DENND1B: variants seen among roughly 807,000 people sequenced by gnomAD.
DENND1B encodes DENN domain containing 1B.
DENND1B carries 59 observed loss-of-function variants against 90.1 expected under a neutral mutation model. The ratio of observed to expected loss-of-function variants is 0.65; its 90% confidence interval spans 0.53 to 0.81. DENND1B has a LOEUF of 0.81. DENND1B is among the 40% of genes least tolerant of loss of function. The probability of loss-of-function intolerance (pLI) is 0.00; values close to 1 mark genes in which losing one functional copy is unlikely to be tolerated. For missense variants in DENND1B, 862 were observed against 912.6 expected (o/e 0.94, Z 0.71); for synonymous variants, 337 against 324.6 (o/e 1.04, Z -0.41).
chr1:197,649,026 C>CA (rs555262125), intron 7 of DENND1B, among the ~76,000 whole-genome samples: 2 of 152,164 alleles, frequency 1.3e-5, no homozygotes, highest in East Asian at 3.9e-4. Flanking sequence ...GAGAGGGTCA[C>CA]AGGAAAGAAA....
intron 3 of DENND1B, among the ~76,000 whole-genome samples, chr1:197,683,037 G>C (rs562856864): frequency 6.6e-6 from 1 of 152,070 alleles, no homozygotes; most frequent in African/African-American, 2.4e-5. Flanking sequence ...TTTGTCTGGG[G>C]TAGGGGGAGG....
intron 2 of DENND1B, among the ~76,000 whole-genome samples, chr1:197,733,158 T>C (rs1662307574): frequency 6.6e-6 from 1 of 152,156 alleles, no homozygotes; most frequent in Non-Finnish European, 1.5e-5. Flanking sequence ...ATAATGGAGC[T>C]TTTTAGGAAA....
chr1:197,751,998 T>C (rs1016485141), intron 2 of DENND1B, among the ~76,000 whole-genome samples: 1 of 99,386 alleles, frequency 1.0e-5, no homozygotes, highest in Admixed American at 1.0e-4. Flanking sequence ...GAAGAAGAAG[T>C]AGAAGGAGGA....
intron 7 of DENND1B, among the ~76,000 whole-genome samples, chr1:197,649,746 G>C (rs1429045032): frequency 1.3e-5 from 2 of 152,148 alleles, no homozygotes; most frequent in Non-Finnish European, 2.9e-5. Flanking sequence ...TTAAATCTAA[G>C]ATCTGAAACT....
At chr1:197,655,628 T>C (rs954579266) in intron 6 of DENND1B, among the ~76,000 whole-genome samples, 14 of 150,832 alleles carry the variant, frequency 9.3e-5, no homozygotes, top group Middle Eastern at 3.5e-3. Context: ...GCCTCCCGGG[T>C]TCATGCCATT....
At chr1:197,727,653 C>T (rs562753101) in intron 2 of DENND1B, among the ~76,000 whole-genome samples, 1 of 152,142 alleles carries the variant, frequency 6.6e-6, no homozygotes, top group South Asian at 2.1e-4. Context: ...GCCAATTGGA[C>T]TGGATTCTAC....
intron 2 of DENND1B, among the ~76,000 whole-genome samples, chr1:197,720,965 A>G (rs137900886): frequency 0.01 from 1,554 of 152,228 alleles, 29 homozygotes; most frequent in African/African-American, 0.035. Context: ...ATCTTCTTAA[A>G]GGTCTAATTC....
rs1366970477 is a variant in DENND1B, at chr1:197,507,807, T to A, written c.*2653A>T. The A allele has an allele frequency of 6.6e-6, 1 of 151,664 alleles. No individual in the cohort carries two copies. The highest frequency in any genetic ancestry group is 1.5e-5 in the Non-Finnish European group (1 of 67,736). 9.4% of individuals were successfully genotyped at this position (151,664 alleles called of 1,614,324 possible). A position where few individuals can be genotyped will look rare whatever the true frequency, so the allele number is the denominator to read the frequency against. On this transcript the variant is annotated 3_prime_UTR_variant, in exon 23 of 23. Coordinates refer to ENST00000620048, the MANE Select transcript of DENND1B (RefSeq NM_001195215.2). ...ATAACCACCATAATACTAGGAAGTC[T>A]AAGTTTAAGAGCAGACTTTGAATAT...
intron 2 of DENND1B, chr1:197,746,709 A>G: frequency 1.2e-6 from 1 of 857,122 alleles, no homozygotes; most frequent in African/African-American, 1.7e-5. Flanking sequence ...CAGTAAATTG[A>G]GCATTTGAGT....
intron 2 of DENND1B, chr1:197,757,197 A>G (rs1015083944): frequency 4.6e-5 from 7 of 152,164 alleles, no homozygotes; most frequent in African/African-American, 1.4e-4. Flanking sequence ...AAGGAGGATC[A>G]TAACTTTTCT....
chr1:197,557,684 G>A (rs142619833), intron 15 of DENND1B, among the ~76,000 whole-genome samples: 15 of 151,968 alleles, frequency 9.9e-5, no homozygotes, highest in African/African-American at 3.4e-4. Context: ...CATATAAATA[G>A]ACATCCAGGA....
chr1:197,674,784 G>A (rs1235014929), intron 3 of DENND1B, among the ~76,000 whole-genome samples: 1 of 151,850 alleles, frequency 6.6e-6, no homozygotes, highest in East Asian at 1.9e-4. Flanking sequence ...CTAAAAACAA[G>A]CTGTCAAAAA....
At chr1:197,754,603 A>G (rs1654009632) in intron 2 of DENND1B, among the ~76,000 whole-genome samples, 1 of 143,482 alleles carries the variant, frequency 7.0e-6, no homozygotes, top group South Asian at 2.3e-4. Flanking sequence ...GGCTGCAGTA[A>G]GCCAAGATCG....
intron 3 of DENND1B, among the ~76,000 whole-genome samples, chr1:197,702,910 G>A (rs990337068): frequency 2.0e-5 from 3 of 152,142 alleles, no homozygotes; most frequent in African/African-American, 7.2e-5. Context: ...AAACAACTGA[G>A]TATATACTTT....
chr1:197,695,214 T>C (rs1013907098), intron 3 of DENND1B, among the ~76,000 whole-genome samples: 1 of 151,144 alleles, frequency 6.6e-6, no homozygotes, highest in Non-Finnish European at 1.5e-5. Flanking sequence ...ATGATGATGA[T>C]TTTAGATTTA....
chr1:197,552,425 T>C, intron 16 of DENND1B: 1 of 985,506 alleles, frequency 1.0e-6, no homozygotes, highest in Non-Finnish European at 1.2e-6. Context: ...TATCAGTTTG[T>C]AAATTATTAA....
chr1:197,753,160 C>T (rs562541782), intron 2 of DENND1B, among the ~76,000 whole-genome samples: 12 of 151,954 alleles, frequency 7.9e-5, no homozygotes, highest in African/African-American at 2.4e-4. Context: ...TATCAATATG[C>T]GATAAATAAT....
intron 10 of DENND1B, among the ~76,000 whole-genome samples, chr1:197,632,432 C>G (rs529890551): frequency 6.6e-6 from 1 of 152,128 alleles, no homozygotes; most frequent in East Asian, 1.9e-4. Context: ...AAATTCCTTT[C>G]GAGAATGAGG....
chr1:197,746,329 T>C (rs1445429232), intron 2 of DENND1B, among the ~76,000 whole-genome samples: 2 of 152,084 alleles, frequency 1.3e-5, no homozygotes, highest in Non-Finnish European at 2.9e-5. Context: ...CAGGAGGCAA[T>C]GGTTGCAGTG....
Sources: allele counts gnomAD v4.1 joint callset (sites outside exome capture counted in the v4.1 genomes callset), GRCh38; gene constraint gnomAD v4.1.1; transcripts MANE v1.5; gene names NCBI Gene and HGNC (gene_info 2026-07-23, HGNC 2026-07-21).